KCNQ4: variants seen among roughly 807,000 people sequenced by gnomAD.
The protein encoded by KCNQ4 is potassium voltage-gated channel subfamily KQT member 4.
KCNQ4 carries 31 observed loss-of-function variants against 72.6 expected under a neutral mutation model. The observed-to-expected ratio is 0.43, with a 90% CI of 0.32 to 0.58. The LOEUF (loss-of-function observed/expected upper bound fraction) is 0.58. Among genes scored for constraint, KCNQ4 ranks in the 20% least tolerant of loss-of-function variants. KCNQ4 has a pLI of 0.08. For missense variants in KCNQ4, 869 were observed against 962.6 expected (o/e 0.90, Z 1.29); for synonymous variants, 405 against 403.7 (o/e 1.00, Z -0.04).
chr1:40,824,965 T>G (rs1648433458), intron 9 of KCNQ4, among the ~76,000 whole-genome samples: 1 of 152,220 alleles, frequency 6.6e-6, no homozygotes, highest in Admixed American at 6.5e-5. Context: ...CTGAAGCTTT[T>G]TACAAAATCT....
At chr1:40,793,271 A>C (rs918759534) in intron 1 of KCNQ4, among the ~76,000 whole-genome samples, 1 of 152,048 alleles carries the variant, frequency 6.6e-6, no homozygotes. Context: ...GGGAGCCACC[A>C]TGGCTGCCTG....
intron 1 of KCNQ4, among the ~76,000 whole-genome samples, chr1:40,797,642 A>G (rs2148300568): frequency 6.6e-6 from 1 of 151,724 alleles, no homozygotes; most frequent in East Asian, 2.0e-4. Context: ...AGGGGTAAGG[A>G]CTCTGGCAAG....
chr1:40,835,328 C>CA (rs1277077373), intron 12 of KCNQ4, among the ~76,000 whole-genome samples: 1 of 152,238 alleles, frequency 6.6e-6, no homozygotes, highest in Non-Finnish European at 1.5e-5. Flanking sequence ...GTCCTCTGTG[C>CA]AAGCCCTATT....
chr1:40,799,631 C>T (rs747583345), intron 1 of KCNQ4, among the ~76,000 whole-genome samples: 5 of 152,182 alleles, frequency 3.3e-5, no homozygotes, highest in Non-Finnish European at 4.4e-5. Flanking sequence ...GCCCACTGGC[C>T]CCCACCAGGG....
intron 1 of KCNQ4, among the ~76,000 whole-genome samples, chr1:40,813,333 G>T (rs1647981578): frequency 6.6e-6 from 1 of 152,238 alleles, no homozygotes; most frequent in African/African-American, 2.4e-5. Flanking sequence ...CACAGTGGAG[G>T]CAGGGAGGCC....
rs1647186662 is a variant in KCNQ4, at chr1:40,784,780, T to A, written c.314+373T>A. On this transcript the variant is annotated intron_variant, in intron 1 of 13. Coordinates refer to ENST00000347132, the MANE Select transcript of KCNQ4 (RefSeq NM_004700.4). This position sits in a 1 kb window ranked among gnomAD's most constrained non-coding sequence, Gnocchi z 4.1. ...CCTTTTCCTCTTCCCCACCCCTGCC[T>A]CCCTGTGTCCCAGACACAAAGAGGA... 6.6e-6 allele frequency among the ~76,000 whole-genome samples: 1 copy of A among 151,998 alleles called. No homozygotes were observed. The highest frequency in any genetic ancestry group is 1.9e-4 in the East Asian group (1 of 5,152).
intron 13 of KCNQ4, 60 bp from the exon 14 acceptor site, chr1:40,838,251 G>C: frequency 6.8e-7 from 1 of 1,463,050 alleles, no homozygotes; most frequent in Admixed American, 1.7e-5. Context: ...CCCAAGCCCC[G>C]CCCCCGGCCG....
intron 8 of KCNQ4, among the ~76,000 whole-genome samples, chr1:40,823,347 G>C (rs1391316116): frequency 6.6e-6 from 1 of 152,142 alleles, no homozygotes; most frequent in Non-Finnish European, 1.5e-5. Flanking sequence ...GATTAGAAGA[G>C]AGGCCTTTTG....
intron 1 of KCNQ4, among the ~76,000 whole-genome samples, chr1:40,815,720 G>C (rs755004905): frequency 6.6e-6 from 1 of 151,908 alleles, no homozygotes; most frequent in African/African-American, 2.4e-5. Flanking sequence ...CCCCAAAAAG[G>C]TCAGGAACCC....
chr1:40,828,548 G>T (rs1648548640), intron 9 of KCNQ4, among the ~76,000 whole-genome samples: 2 of 152,314 alleles, frequency 1.3e-5, no homozygotes, highest in African/African-American at 2.4e-5. Flanking sequence ...GTCAGAGAAG[G>T]CTGGGTTCCA....
At chr1:40,804,260 G>A (rs188906052) in intron 1 of KCNQ4, among the ~76,000 whole-genome samples, 51 of 152,308 alleles carry the variant, frequency 3.3e-4, no homozygotes, top group African/African-American at 1.2e-3. Flanking sequence ...AATTTTTGAG[G>A]TGGGAGTGAG....
Position 40,835,362 on chromosome 1 carries a change from G to C in KCNQ4, c.1745+264G>C, listed in dbSNP as rs727334. Reference sequence around the variant, plus strand: ...TTGACTCATATGCCTTGGGGGCTTTGTTTAGAATGACTGTTTCCTGGTCCT... The same window carrying C: ...TTGACTCATATGCCTTGGGGGCTTTCTTTAGAATGACTGTTTCCTGGTCCT... On this transcript the variant is annotated intron_variant, in intron 12 of 13. Transcript: ENST00000347132. Among the ~76,000 whole-genome samples, 22,253 of 152,250 alleles carry C rather than the reference G, an allele frequency of 0.15. 1,698 individuals are homozygous for C. The highest frequency in any genetic ancestry group is 0.22 in the South Asian group (1,067 of 4,818).
chr1:40,809,145 G>A (rs894440751), intron 1 of KCNQ4, among the ~76,000 whole-genome samples: 3 of 152,112 alleles, frequency 2.0e-5, no homozygotes, highest in African/African-American at 7.2e-5. Context: ...TGTTCTTCAC[G>A]TGGCCTCTCT....
intron 1 of KCNQ4, among the ~76,000 whole-genome samples, chr1:40,802,770 C>T (rs12727027): frequency 2.0e-5 from 3 of 152,200 alleles, no homozygotes; most frequent in Admixed American, 6.5e-5. Flanking sequence ...CCAAGCCTTT[C>T]TGCAACCCCT....
intron 1 of KCNQ4, among the ~76,000 whole-genome samples, chr1:40,806,871 A>G (rs1303681674): frequency 6.6e-6 from 1 of 152,220 alleles, no homozygotes; most frequent in Non-Finnish European, 1.5e-5. Flanking sequence ...CGATTGGCTC[A>G]GCCCAACCTA....
intron 1 of KCNQ4, among the ~76,000 whole-genome samples, chr1:40,816,067 T>C (rs1283688021): frequency 6.6e-6 from 1 of 152,138 alleles, no homozygotes; most frequent in African/African-American, 2.4e-5. Context: ...TTTGTGTTCC[T>C]GTAGGCGTGG....
rs1228293579 is a variant in KCNQ4 at position 40,819,037 on chromosome 1, G to C, written c.709-310G>C. Reference sequence around the variant, plus strand: ...GGAGCGGGGCTAGGGTGGGCCCCAGGTGGAAGCCTGAAAGTGGGACTTGGG... The same window carrying C: ...GGAGCGGGGCTAGGGTGGGCCCCAGCTGGAAGCCTGAAAGTGGGACTTGGG... On this transcript the variant is annotated intron_variant, in intron 4 of 13. Transcript: ENST00000347132. 5.4e-6 allele frequency: 3 copies of C among 554,052 alleles called. No individual in the cohort carries two copies. In the African/African-American group the frequency reaches 5.7e-5, roughly 11 times the overall value. 34.3% of individuals were successfully genotyped at this position (554,052 alleles called of 1,614,324 possible).
chr1:40,786,987 C>T (rs1204725123), intron 1 of KCNQ4, among the ~76,000 whole-genome samples: 1 of 152,126 alleles, frequency 6.6e-6, no homozygotes, highest in Non-Finnish European at 1.5e-5. Flanking sequence ...CCCAATCTGC[C>T]TCAGTGGCAG....
At chr1:40,822,506 T>C in intron 8 of KCNQ4, 104 bp downstream of exon 8, 1 of 917,758 alleles carries the variant, frequency 1.1e-6, no homozygotes, top group Admixed American at 2.0e-5. Context: ...GGGTGATGGC[T>C]CCCAGGGGAG....
Sources: gnomAD v4.1 joint callset for allele counts (sites outside exome capture counted in the v4.1 genomes callset) on GRCh38, gnomAD v4.1.1 for gene constraint, Gnocchi (gnomAD v3.1) non-coding constraint, MANE v1.5 for transcripts, NCBI Gene and HGNC (gene_info 2026-07-23, HGNC 2026-07-21) for gene names.